PTPRD: variants seen among roughly 807,000 people sequenced by gnomAD.
PTPRD encodes the protein receptor-type tyrosine-protein phosphatase delta.
PTPRD carries 34 observed loss-of-function variants against 214.5 expected under a neutral mutation model. The ratio of observed to expected loss-of-function variants is 0.16; its 90% confidence interval spans 0.12 to 0.21. The LOEUF (loss-of-function observed/expected upper bound fraction) is 0.21, where lower values mean the gene tolerates loss of function less well. PTPRD is among the 10% of genes least tolerant of loss of function. The pLI is 1.00. For synonymous variants in PTPRD, 1,128 were observed against 845.7 expected (o/e 1.33, Z -5.79); for missense variants, 2,545 against 2,398.7 (o/e 1.06, Z -1.27).
intron 14 of PTPRD, among the ~76,000 whole-genome samples, chr9:8,576,697 A>G (rs956741145): frequency 1.3e-5 from 2 of 151,046 alleles, no homozygotes; most frequent in Non-Finnish European, 2.9e-5. Flanking sequence ...CTCTAGTTGC[A>G]TGTTTCCTGA....
intron 5 of PTPRD, among the ~76,000 whole-genome samples, chr9:9,798,926 T>C (rs957059908): frequency 2.6e-5 from 4 of 152,220 alleles, no homozygotes; most frequent in African/African-American, 9.6e-5. Flanking sequence ...GTTTTGGTTT[T>C]TCTTTTAATG....
At chr9:10,612,037 T>C (rs867725425) in intron 2 of PTPRD, among the ~76,000 whole-genome samples, 9 of 150,744 alleles carry the variant, frequency 6.0e-5, no homozygotes, top group South Asian at 2.1e-4. Context: ...AGTGAGCCAG[T>C]AGGGTTAGAT....
At position 9,167,690 on chromosome 9, in the gene PTPRD, G is replaced by A. The variant is rs192785587; in HGVS notation, c.-143+15614C>T. Among the ~76,000 whole-genome samples the A allele has an allele frequency of 6.6e-3, 1,001 of 152,208 alleles. 47 individuals are homozygous for A. The highest frequency in any genetic ancestry group is 0.06 in the Admixed American group (909 of 15,274). On this transcript the variant is annotated intron_variant, in intron 10 of 45. Coordinates refer to ENST00000381196, the MANE Select transcript of PTPRD (RefSeq NM_002839.4). Reference sequence around the variant, plus strand: ...GAATCGCTTGATCCAAGGAGGCAGAGGTTGTGGTGAGCCGAGATCGCGCCA... The same window carrying A: ...GAATCGCTTGATCCAAGGAGGCAGAAGTTGTGGTGAGCCGAGATCGCGCCA...
intron 4 of PTPRD, among the ~76,000 whole-genome samples, chr9:10,004,619 A>G (rs1284713063): frequency 1.3e-5 from 2 of 151,944 alleles, no homozygotes; most frequent in African/African-American, 4.8e-5. Flanking sequence ...TAAGTTTTAC[A>G]TTTTAACACA....
chr9:9,763,838 G>T (rs1404616963), intron 6 of PTPRD, among the ~76,000 whole-genome samples: 2 of 151,950 alleles, frequency 1.3e-5, no homozygotes, highest in Non-Finnish European at 2.9e-5. Flanking sequence ...AGAAAGAATT[G>T]AAAATTATAT....
At chr9:9,671,451 C>G (rs1430790166) in intron 7 of PTPRD, among the ~76,000 whole-genome samples, 1 of 151,844 alleles carries the variant, frequency 6.6e-6, no homozygotes, top group Non-Finnish European at 1.5e-5. Context: ...TGAGTTAAGT[C>G]TTTGGGGGAC....
chr9:8,802,219 C>A (rs1013278017), intron 11 of PTPRD, among the ~76,000 whole-genome samples: 1 of 152,144 alleles, frequency 6.6e-6, no homozygotes, highest in Non-Finnish European at 1.5e-5. Flanking sequence ...AATGTTCCCC[C>A]ACACCCTGTT....
chr9:10,184,422 T>C (rs1243970481), intron 3 of PTPRD, among the ~76,000 whole-genome samples: 1 of 151,882 alleles, frequency 6.6e-6, no homozygotes, highest in Non-Finnish European at 1.5e-5. Context: ...GAGGCTCCAT[T>C]AAAAAATATA....
At chr9:8,380,084 G>T (rs746153338) in intron 37 of PTPRD, among the ~76,000 whole-genome samples, 1 of 152,060 alleles carries the variant, frequency 6.6e-6, no homozygotes, top group Admixed American at 6.6e-5. Context: ...CTGGATTTTT[G>T]TGTGTGGGGG....
chr9:8,824,290 C>A (rs912990197), intron 11 of PTPRD, among the ~76,000 whole-genome samples: 2 of 152,146 alleles, frequency 1.3e-5, no homozygotes, highest in Non-Finnish European at 2.9e-5. Context: ...CATTTCCCCT[C>A]TCCCTTTTAT....
intron 10 of PTPRD, among the ~76,000 whole-genome samples, chr9:9,059,221 G>A (rs1324245925): frequency 1.3e-5 from 2 of 152,180 alleles, no homozygotes; most frequent in South Asian, 2.1e-4. Context: ...CTATTCAAGA[G>A]GAAAAACATG....
rs371767469 is a variant in PTPRD at position 8,618,866 on chromosome 9, T to TTGTGTGTG, written c.352+14443_352+14450dup. 3.2e-3 allele frequency among the ~76,000 whole-genome samples: 418 copies of TTGTGTGTG among 130,964 alleles called. 3 individuals carry two copies. The highest frequency in any genetic ancestry group is 8.1e-3 in the Middle Eastern group (2 of 246). The allele number at this position is 130,964 out of a possible 152,430, so 85.9% of individuals were successfully genotyped here. ...TGCATGCCACCACACCCAGCTAATT[T>TTGTGTGTG]TGTGTGTGTGTGTGTGTGTGTGTGT... On this transcript the variant is annotated intron_variant, in intron 14 of 45. Transcript: ENST00000381196.
intron 2 of PTPRD, among the ~76,000 whole-genome samples, chr9:10,349,645 A>T (rs758345426): frequency 6.6e-6 from 1 of 152,206 alleles, no homozygotes; most frequent in Non-Finnish European, 1.5e-5. Flanking sequence ...AAGTATAAAA[A>T]GGTCATTTTC....
chr9:9,797,751 G>A (rs1267766662), intron 5 of PTPRD, among the ~76,000 whole-genome samples: 1 of 152,112 alleles, frequency 6.6e-6, no homozygotes, highest in East Asian at 1.9e-4. Context: ...GGGGGGCTGA[G>A]GCAGGAGATT....
intron 3 of PTPRD, among the ~76,000 whole-genome samples, chr9:10,096,941 C>T (rs1403937051): frequency 1.3e-5 from 2 of 151,996 alleles, no homozygotes; most frequent in Non-Finnish European, 2.9e-5. Context: ...GATCCAGTTT[C>T]AGCTTTCTAC....
intron 3 of PTPRD, among the ~76,000 whole-genome samples, chr9:10,088,835 G>A (rs183760972): frequency 1.8e-4 from 27 of 151,744 alleles, no homozygotes; most frequent in East Asian, 5.9e-4. Flanking sequence ...AATGGATATC[G>A]TATTTCTTTG....
At chr9:9,572,795 G>A (rs192464119) in intron 8 of PTPRD, among the ~76,000 whole-genome samples, 52 of 151,178 alleles carry the variant, frequency 3.4e-4, no homozygotes, top group African/African-American at 1.0e-3. Context: ...AGAAATAAGA[G>A]CAAAAACAAA....
chr9:8,654,907 T>C (rs1188114280), intron 12 of PTPRD, among the ~76,000 whole-genome samples: 2 of 152,176 alleles, frequency 1.3e-5, no homozygotes, highest in Non-Finnish European at 2.9e-5. Context: ...ATTAGCTCTT[T>C]TTTTCTGTTA....
intron 8 of PTPRD, among the ~76,000 whole-genome samples, chr9:9,540,103 C>T (rs1591117799): frequency 6.6e-6 from 1 of 151,756 alleles, no homozygotes; most frequent in Admixed American, 6.6e-5. Flanking sequence ...TTACTAAATG[C>T]CTTCTTACCT....
Sources: allele counts gnomAD v4.1 joint callset (sites outside exome capture counted in the v4.1 genomes callset), GRCh38; gene constraint gnomAD v4.1.1; transcripts MANE v1.5; gene names NCBI Gene and HGNC (gene_info 2026-07-23, HGNC 2026-07-21).